The following CDH13 variants were observed in gnomAD, a reference collection of about 807,000 sequenced individuals.
The protein encoded by CDH13 is cadherin-13.
A neutral mutation model predicts 63.8 loss-of-function variants in CDH13; 24 were observed. The ratio of observed to expected loss-of-function variants is 0.38; its 90% CI spans 0.27 to 0.53. The LOEUF (loss-of-function observed/expected upper bound fraction) is 0.53, where lower values mean the gene tolerates loss of function less well. Ranked by LOEUF, CDH13 falls within the 20% of genes least tolerant of loss-of-function variation. The probability of loss-of-function intolerance (pLI) is 0.85; values close to 1 mark genes in which losing one functional copy is unlikely to be tolerated. For missense variants in CDH13, 1,049 were observed against 903.1 expected, an observed-to-expected ratio of 1.16 and a Z score of -2.07; for synonymous variants, 503 against 355.3, an observed-to-expected ratio of 1.42 and a Z score of -4.67.
At chr16:83,224,749 C>T (rs2039793463) in intron 5 of CDH13, among the ~76,000 whole-genome samples, 1 of 152,172 alleles carries the variant, frequency 6.6e-6, no homozygotes, top group Non-Finnish European at 1.5e-5. Context: ...TTCTCAGCCT[C>T]TGTTTTCTCA....
At chr16:83,101,228 C>G (rs965338165) in intron 3 of CDH13, among the ~76,000 whole-genome samples, 34 of 150,256 alleles carry the variant, frequency 2.3e-4, no homozygotes, top group Admixed American at 2.7e-4. Flanking sequence ...CATACATGCA[C>G]ATATACTATA....
chr16:83,046,916 G>A (rs567950168), intron 3 of CDH13, among the ~76,000 whole-genome samples: 1 of 152,296 alleles, frequency 6.6e-6, no homozygotes, highest in South Asian at 2.1e-4. Context: ...AGATCCAAGA[G>A]AGGGCTTTCC....
chr16:83,176,491 C>T (rs2038128485), intron 4 of CDH13, among the ~76,000 whole-genome samples: 4 of 114,206 alleles, frequency 3.5e-5, no homozygotes, highest in African/African-American at 1.4e-4. Flanking sequence ...GCCTGGGTGA[C>T]AGAGCAAGAA....
rs932198049 is a variant in CDH13, at chr16:83,201,890, A to G, written c.484-15455A>G. Among the ~76,000 whole-genome samples, 4 of 152,148 alleles carry G rather than the reference A, an allele frequency of 2.6e-5. No individual in the cohort carries two copies. In the South Asian group the frequency reaches 8.3e-4, roughly 32 times the overall value. ...AGATCACGCAACTGCACTCCAGCCT[A>G]GGCAACAGAGCGAGACTCTGTCTCA... is the stretch of plus-strand genomic sequence containing the variant. On this transcript the variant is annotated intron_variant, in intron 4 of 13. Transcript: ENST00000567109.
At chr16:83,252,397 G>A (rs1327117678) in intron 5 of CDH13, among the ~76,000 whole-genome samples, 1 of 151,498 alleles carries the variant, frequency 6.6e-6, no homozygotes, top group South Asian at 2.1e-4. Context: ...ACTTCCTAAT[G>A]AATGCAAATG....
At chr16:83,038,923 T>G (rs1327886666) in intron 3 of CDH13, among the ~76,000 whole-genome samples, 1 of 152,138 alleles carries the variant, frequency 6.6e-6, no homozygotes, top group Non-Finnish European at 1.5e-5. Flanking sequence ...CTTGATGAAG[T>G]CAGGTTGGGA....
At chr16:82,913,250 G>A (rs1176183789) in intron 2 of CDH13, among the ~76,000 whole-genome samples, 4 of 152,158 alleles carry the variant, frequency 2.6e-5, no homozygotes, top group Non-Finnish European at 5.9e-5. Flanking sequence ...GCAGGTAGCA[G>A]GTCTGAAGTG....
At chr16:83,270,040 C>G (rs1217266681) in intron 5 of CDH13, among the ~76,000 whole-genome samples, 1 of 152,150 alleles carries the variant, frequency 6.6e-6, no homozygotes, top group Non-Finnish European at 1.5e-5. Flanking sequence ...TCATTAATCT[C>G]TTTATTAAAT....
At chr16:83,139,164 A>C (rs1338872463) in intron 4 of CDH13, among the ~76,000 whole-genome samples, 1 of 152,102 alleles carries the variant, frequency 6.6e-6, no homozygotes, top group Admixed American at 6.5e-5. Flanking sequence ...TGTATGTTGC[A>C]TGGAGGTGGG....
At chr16:83,389,762 A>T (rs1216955126) in intron 6 of CDH13, among the ~76,000 whole-genome samples, 1 of 152,206 alleles carries the variant, frequency 6.6e-6, no homozygotes, top group African/African-American at 2.4e-5. Context: ...GGGGCCTGGG[A>T]ATCTGAAGTG....
intron 5 of CDH13, among the ~76,000 whole-genome samples, chr16:83,309,885 A>G (rs1037458969): frequency 1.7e-4 from 26 of 151,792 alleles, no homozygotes; most frequent in Admixed American, 1.5e-3. Context: ...TTTGTGAGGT[A>G]GTGATTTATA....
At chr16:82,659,174 C>T (rs1911642842) in intron 1 of CDH13, among the ~76,000 whole-genome samples, 1 of 152,188 alleles carries the variant, frequency 6.6e-6, no homozygotes, top group South Asian at 2.1e-4. Context: ...GATTTAGCAC[C>T]TGAGTTAGAA....
Position 83,058,344 on chromosome 16 carries a change from T to C in CDH13, c.366+26126T>C, listed in dbSNP as rs532307453. Among the ~76,000 whole-genome samples, 6 of 152,346 alleles carry C rather than the reference T, an allele frequency of 3.9e-5. No homozygotes were observed. The South Asian group carries it at 8.3e-4, about 21-fold the overall frequency. On this transcript the variant is annotated intron_variant, in intron 3 of 13. Coordinates refer to ENST00000567109, the MANE Select transcript of CDH13 (RefSeq NM_001257.5). ...CTCCACGTTTTGTTCAAGTGGGGTT[T>C]TCTGCGTGTGCCGCTGGCCAATTCT...
At chr16:82,916,563 G>C (rs949456508) in intron 2 of CDH13, among the ~76,000 whole-genome samples, 1 of 143,670 alleles carries the variant, frequency 7.0e-6, no homozygotes, top group South Asian at 2.2e-4. Context: ...GACAGGGTGA[G>C]ACTCTGTCTC....
chr16:83,212,746 T>G (rs996929699), intron 4 of CDH13, among the ~76,000 whole-genome samples: 1 of 152,166 alleles, frequency 6.6e-6, no homozygotes, highest in Non-Finnish European at 1.5e-5. Context: ...GAGAATCACC[T>G]GGGGAGGGGG....
intron 1 of CDH13, among the ~76,000 whole-genome samples, chr16:82,798,470 G>A (rs1394329130): frequency 6.6e-6 from 1 of 152,098 alleles, no homozygotes. Flanking sequence ...TTAGACTTCT[G>A]GTTATTACTC....
rs540894833 is a variant in CDH13 at position 82,783,433 on chromosome 16, C to G, written c.46-74929C>G. Among the ~76,000 whole-genome samples, 7 of 152,310 alleles carry G rather than the reference C, an allele frequency of 4.6e-5. 1 individual carries two copies. The South Asian group carries it at 1.4e-3, about 32-fold the overall frequency. On this transcript the variant is annotated intron_variant, in intron 1 of 13. Transcript: ENST00000567109. ...GCAGAAGCTTGCAGAGCTGCGTGAG[C>G]CTGCCTTCCACTCAGCTTGAATTAA...
chr16:83,277,047 C>T (rs906191305), intron 5 of CDH13, among the ~76,000 whole-genome samples: 4 of 152,118 alleles, frequency 2.6e-5, no homozygotes, highest in African/African-American at 9.7e-5. Flanking sequence ...GTCTCTCCAA[C>T]AACATGTGGG....
intron 11 of CDH13, among the ~76,000 whole-genome samples, chr16:83,762,454 A>G (rs1204360307): frequency 1.3e-5 from 2 of 152,184 alleles, no homozygotes; most frequent in Non-Finnish European, 2.9e-5. Flanking sequence ...ATAAAATGGA[A>G]TCCCTTTGGG....
Sources: allele counts gnomAD v4.1 joint callset (sites outside exome capture counted in the v4.1 genomes callset), GRCh38; gene constraint gnomAD v4.1.1; transcripts MANE v1.5; gene names NCBI Gene and HGNC (gene_info 2026-07-23, HGNC 2026-07-21).